The following ZNF527 variants were observed in gnomAD, a reference collection of about 807,000 sequenced individuals.
ZNF527 encodes the protein zinc finger protein 527.
ZNF527 carries 5 observed loss-of-function variants against 13.5 expected under a neutral mutation model. The ratio of observed to expected loss-of-function variants is 0.37; its 90% CI spans 0.19 to 0.78. The LOEUF (loss-of-function observed/expected upper bound fraction) is 0.78. Ranked by LOEUF, ZNF527 falls within the 30% of genes least tolerant of loss-of-function variation. The pLI, the probability that ZNF527 is intolerant of heterozygous loss-of-function variation, is 0.48. For missense variants in ZNF527, 628 were observed against 726.4 expected (o/e 0.86, Z 1.56); for synonymous variants, 209 against 243.1 (o/e 0.86, Z 1.30).
Position 37,388,620 on chromosome 19 carries a change from C to T in ZNF527, c.571C>T (p.His191Tyr). ...GAAAGTTCCTACCATACAGCAAGTA[C>T]ATAAATTTGATATTTATGATAAACT... ...QQKVPTIQQV[H>Y]KFDIYDKLFP... The change falls in exon 5 of 5, where the codon CAT becomes TAT. Residue 191 changes from histidine (H) to tyrosine (Y), a missense_variant. Physicochemically the swap from His to Tyr is moderately conservative, Grantham distance 83. This residue lies in a region of ZNF527 where 592 missense variants were observed against 678.0 expected (regional missense o/e 0.87). Coordinates refer to ENST00000436120, the MANE Select transcript of ZNF527 (RefSeq NM_032453.2). The T allele has an allele frequency of 6.2e-7, 1 of 1,613,928 alleles. No homozygotes were observed. Among genetic ancestry groups the T allele is most frequent in the Non-Finnish European group, 8.5e-7 (1 of 1,179,922 alleles).
At chr19:37,387,001 G>T (rs932101496) in intron 4 of ZNF527, among the ~76,000 whole-genome samples, 1 of 152,104 alleles carries the variant, frequency 6.6e-6, no homozygotes, top group Non-Finnish European at 1.5e-5. Context: ...AATCCAAGGC[G>T]GTATATAGGA....
intron 4 of ZNF527, chr19:37,385,595 A>G (rs1052993660): frequency 2.8e-6 from 1 of 359,206 alleles, no homozygotes; most frequent in Non-Finnish European, 4.9e-6. Context: ...TTTATTTAAA[A>G]TAATTTTCTT....
In ZNF527 at chr19:37,390,163, G is replaced by T; in HGVS notation, c.*284G>T. On this transcript the variant is annotated 3_prime_UTR_variant, in exon 5 of 5. Coordinates refer to ENST00000436120, the MANE Select transcript of ZNF527 (RefSeq NM_032453.2). ...CCTGCCTCAGCCTCCTGAGTAGCTG[G>T]GATTACAGGTGCCTGCCACCATACC... The T allele has an allele frequency of 4.3e-6, 1 of 230,508 alleles. No homozygotes were observed. The highest frequency in any genetic ancestry group is 8.5e-6 in the Non-Finnish European group (1 of 118,262). The allele number at this position is 230,508 out of a possible 1,614,324, so 14.3% of individuals were successfully genotyped here.
In ZNF527 at chr19:37,390,799, A is replaced by T. The variant is rs1304812371; in HGVS notation, c.*920A>T. 6.6e-6 allele frequency: 1 copy of T among 152,156 alleles called. No homozygotes were observed. The highest frequency in any genetic ancestry group is 1.9e-4 in the East Asian group (1 of 5,194). 9.4% of individuals were successfully genotyped at this position (152,156 alleles called of 1,614,324 possible). A position where few individuals can be genotyped will look rare whatever the true frequency, so the allele number is the denominator to read the frequency against. ...TTGGATTATATTTTTGCCTCATGGAATTAGAGTGCTGATTCACACATTCTA... is the reference window on the plus strand; with the variant it reads ...TTGGATTATATTTTTGCCTCATGGATTTAGAGTGCTGATTCACACATTCTA... On this transcript the variant is annotated 3_prime_UTR_variant, in exon 5 of 5. Transcript: ENST00000436120.
chr19:37,382,864 G>A lies in ZNF527; in HGVS notation c.256+2492G>A, dbSNP rs546411203. On this transcript the variant is annotated intron_variant, in intron 4 of 4. Coordinates refer to ENST00000436120, the MANE Select transcript of ZNF527 (RefSeq NM_032453.2). The stretch of plus-strand genomic sequence containing the variant: ...TGTGACTACAGGCGCATGCCACCAC[G>A]CCTGGCTAATTTTTGTATTTTTAGT... Among the ~76,000 whole-genome samples, 7 of 152,094 alleles carry A rather than the reference G, an allele frequency of 4.6e-5. No homozygotes were observed. The South Asian group carries it at 6.2e-4, about 14-fold the overall frequency.
At position 37,388,874 on chromosome 19, in the gene ZNF527, A is replaced by G; in HGVS notation, c.825A>G (p.Gly275=). Residue 275 remains glycine, a synonymous_variant, in exon 5 of 5, where the codon GGA becomes GGG. Transcript: ENST00000436120. ...CTCATTTTGGAAAATTACCCCATGG[A>G]TACGATGAATGTGGTGATGCCTTTA... is the stretch of plus-strand genomic sequence containing the variant. ...QTTHFGKLPH[G]YDECGDAFSC... is the part of the protein sequence containing the mutation. 6.2e-7 allele frequency: 1 copy of G among 1,614,186 alleles called. No homozygotes were observed. Among genetic ancestry groups the G allele is most frequent in the Non-Finnish European group, 8.5e-7 (1 of 1,180,038 alleles).
At chr19:37,380,232 A>G (rs745394668) in intron 3 of ZNF527, 45 bp from the exon 4 acceptor site, 2 of 1,609,694 alleles carry the variant, frequency 1.2e-6, no homozygotes, top group Admixed American at 1.7e-5. Context: ...GTTTGTCTGT[A>G]TGTCTTTCTG....
rs145512414 is a variant in ZNF527, at chr19:37,375,865, G to A, written c.33+1634G>A. ...AGAGTGTGGGTTCTGGAAGCCAAGA[G>A]GAGAAAGTGTTTCAAGGATGGGATG... On this transcript the variant is annotated intron_variant, in intron 2 of 4. Transcript: ENST00000436120. Among the ~76,000 whole-genome samples the A allele has an allele frequency of 3.8e-3, 579 of 152,312 alleles. 6 individuals carry two copies. The highest frequency in any genetic ancestry group is 0.013 in the African/African-American group (556 of 41,574).
intron 2 of ZNF527, among the ~76,000 whole-genome samples, chr19:37,376,168 A>G (rs751895991): frequency 3.3e-5 from 5 of 152,074 alleles, no homozygotes; most frequent in Non-Finnish European, 5.9e-5. Context: ...GGGAGACTCC[A>G]TCTCTAAAAA....
chr19:37,375,954 G>A (rs1305258046), intron 2 of ZNF527, among the ~76,000 whole-genome samples: 1 of 152,196 alleles, frequency 6.6e-6, no homozygotes, highest in African/African-American at 2.4e-5. Flanking sequence ...CTCACCGTTG[G>A]ATTTGGTAAC....
In ZNF527 at chr19:37,388,672, A is replaced by G. The variant is rs367723730; in HGVS notation, c.623A>G (p.Glu208Gly). Residue 208 changes from glutamate to glycine, a missense_variant, in exon 5 of 5, where the codon GAA (glutamate) becomes GGA (glycine). Physicochemically the swap from Glu to Gly is moderately conservative, Grantham distance 98. This residue lies in a region of ZNF527 where 592 missense variants were observed against 678.0 expected (regional missense o/e 0.87). Transcript: ENST00000436120. Reference protein sequence around the residue: ...KLFPQNSVIIEYKRLHAEKES... With the variant: ...KLFPQNSVIIGYKRLHAEKES... ...TTCCCCCAAAATTCAGTCATAATTG[A>G]ATATAAAAGACTCCATGCTGAGAAG... The G allele has an allele frequency of 3.7e-6, 6 of 1,612,116 alleles. No individual in the cohort carries two copies. The highest frequency in any genetic ancestry group is 1.7e-5 in the Admixed American group (1 of 59,596).
intron 2 of ZNF527, among the ~76,000 whole-genome samples, chr19:37,375,453 C>T (rs904164690): frequency 3.3e-5 from 5 of 150,980 alleles, no homozygotes; most frequent in African/African-American, 1.2e-4. Context: ...CCTCTGCCTC[C>T]TGGGTTCAAG....
intron 4 of ZNF527, among the ~76,000 whole-genome samples, chr19:37,382,644 A>G (rs954130651): frequency 5.9e-5 from 9 of 152,126 alleles, no homozygotes; most frequent in African/African-American, 2.2e-4. Context: ...TTTTTGTTTT[A>G]GTCTTATAGT....
In ZNF527 at chr19:37,388,606, C is replaced by T. The variant is rs564846964; in HGVS notation, c.557C>T (p.Thr186Ile). The change falls in exon 5 of 5, where the codon ACC becomes ATC. Residue 186 changes from threonine (T) to isoleucine (I), a missense_variant. Transcript: ENST00000436120. Reference sequence around the variant, plus strand: ...TTTTTAACACAACAGAAAGTTCCTACCATACAGCAAGTACATAAATTTGAT... The same window carrying T: ...TTTTTAACACAACAGAAAGTTCCTATCATACAGCAAGTACATAAATTTGAT... The part of the protein sequence containing the change: ...SVFLTQQKVP[T>I]IQQVHKFDIY... 8.1e-6 allele frequency: 13 copies of T among 1,614,024 alleles called. No individual in the cohort carries two copies. In the East Asian group the frequency reaches 2.5e-4, roughly 30 times the overall value.
At chr19:37,384,124 C>G (rs140472692) in intron 4 of ZNF527, among the ~76,000 whole-genome samples, 4,600 of 151,834 alleles carry the variant, frequency 0.03, 216 homozygotes, top group African/African-American at 0.096. Context: ...TCAAGACCAG[C>G]CTGGCCAACA....
chr19:37,390,674 A>T lies in ZNF527; in HGVS notation c.*795A>T, dbSNP rs2040745155. 2 of 152,166 alleles carry T rather than the reference A, an allele frequency of 1.3e-5. No individual in the cohort carries two copies. Among genetic ancestry groups the T allele is most frequent in the Admixed American group, 6.5e-5 (1 of 15,272 alleles). 9.4% of individuals were successfully genotyped at this position (152,166 alleles called of 1,614,324 possible). ...GGAGATGAGAGACAGAAATATGATG[A>T]TACAGCTTGATCTCCTGGATCCAGT... On this transcript the variant is annotated 3_prime_UTR_variant, in exon 5 of 5. Coordinates refer to ENST00000436120, the MANE Select transcript of ZNF527 (RefSeq NM_032453.2).
chr19:37,375,290 CTTTCTTTCTTTCTTTCTTTCT>C (rs1244396674), intron 2 of ZNF527, among the ~76,000 whole-genome samples: 58 of 112,436 alleles, frequency 5.2e-4, no homozygotes, highest in African/African-American at 1.5e-3. Context: ...TTCTTTCTTT[CTTTCTTTCTTTCTTTCTTTCT>C]TTTCTTTCTT....
intron 4 of ZNF527, chr19:37,384,986 A>AT (rs931380065): frequency 7.6e-5 from 53 of 701,240 alleles, no homozygotes; most frequent in Non-Finnish European, 1.3e-4. Context: ...CACCTGGTTA[A>AT]TTTTTTTGTT....
rs773695626 is a variant in ZNF527 at position 37,380,266 on chromosome 19, C to T, written c.161-11C>T. On this transcript the variant is annotated splice_polypyrimidine_tract_variant and intron_variant, in intron 3 of 4. Transcript: ENST00000436120. ...TGTCTCTTGCTCTCATTTTTCTTCC[C>T]CTGTGAACAGGACTCTCCATTTCTA... The T allele has an allele frequency of 6.2e-6, 10 of 1,613,218 alleles. No individual in the cohort carries two copies. Among genetic ancestry groups the T allele is most frequent in the Non-Finnish European group, 7.6e-6 (9 of 1,179,560 alleles).
Sources: gnomAD v4.1 joint callset for allele counts (sites outside exome capture counted in the v4.1 genomes callset) on GRCh38, gnomAD v4.1.1 for gene constraint, gnomAD v4.1.1 regional missense constraint, MANE v1.5 for transcripts, NCBI Gene and HGNC (gene_info 2026-07-23, HGNC 2026-07-21) for gene names.